Variants in GRIN2A observed in about 807,000 individuals in gnomAD.
GRIN2A encodes glutamate receptor ionotropic, NMDA 2A.
In GRIN2A, 22 loss-of-function variants were observed where a neutral mutation model predicts 113.4. That is an observed-to-expected ratio of 0.19 (90% confidence interval 0.14 to 0.28). The LOEUF (loss-of-function observed/expected upper bound fraction) is 0.28, where lower values mean the gene tolerates loss of function less well. Ranked by LOEUF, GRIN2A falls within the 10% of genes least tolerant of loss-of-function variation. GRIN2A has a pLI of 1.00. For synonymous variants in GRIN2A, 827 were observed against 738.4 expected (o/e 1.12, Z -1.94); for missense variants, 1,502 against 1,887.0 (o/e 0.80, Z 3.78).
chr16:9,842,159 A>G (rs2042691819), intron 5 of GRIN2A, among the ~76,000 whole-genome samples: 1 of 152,118 alleles, frequency 6.6e-6, no homozygotes, highest in Non-Finnish European at 1.5e-5. Context: ...GCTGAGGCAT[A>G]AGAATCACTT....
intron 2 of GRIN2A, among the ~76,000 whole-genome samples, chr16:9,998,966 A>G (rs1463065121): frequency 2.0e-5 from 3 of 152,136 alleles, no homozygotes; most frequent in Non-Finnish European, 4.4e-5. Context: ...ATATACAAAG[A>G]ATCCTTATTT....
At chr16:9,955,729 G>A (rs977654872) in intron 2 of GRIN2A, among the ~76,000 whole-genome samples, 1 of 152,124 alleles carries the variant, frequency 6.6e-6, no homozygotes. Context: ...TCCATTTTTG[G>A]TTTTGTTTTG....
chr16:9,831,847 A>T (rs1453614955), intron 8 of GRIN2A, among the ~76,000 whole-genome samples: 1 of 151,934 alleles, frequency 6.6e-6, no homozygotes, highest in African/African-American at 2.4e-5. Flanking sequence ...AAAGTCTGAC[A>T]TGCTTCCCAT....
intron 2 of GRIN2A, among the ~76,000 whole-genome samples, chr16:10,010,643 G>A (rs2046488287): frequency 1.3e-5 from 2 of 152,136 alleles, no homozygotes. Context: ...TTATTGCACT[G>A]TGAATACTAT....
At chr16:9,918,586 C>T (rs183882950) in intron 3 of GRIN2A, among the ~76,000 whole-genome samples, 50 of 152,166 alleles carry the variant, frequency 3.3e-4, no homozygotes, top group Admixed American at 2.1e-3. Flanking sequence ...CATTCAAAAG[C>T]GACTAACATA....
chr16:9,936,418 C>A (rs886942404), intron 3 of GRIN2A, among the ~76,000 whole-genome samples: 2 of 152,116 alleles, frequency 1.3e-5, no homozygotes, highest in African/African-American at 4.8e-5. Flanking sequence ...AGAAAGTGGA[C>A]GAGACAAGCT....
At chr16:10,098,619 AC>A (rs1400423951) in intron 2 of GRIN2A, among the ~76,000 whole-genome samples, 3 of 152,298 alleles carry the variant, frequency 2.0e-5, no homozygotes, top group Non-Finnish European at 4.4e-5. Context: ...ATGGAATAAA[AC>A]TCAGCCTTAA....
Position 9,924,134 on chromosome 16 carries a change from A to C in GRIN2A, c.1007+13825T>G, listed in dbSNP as rs1186909166. Among the ~76,000 whole-genome samples the C allele has an allele frequency of 2.3e-4, 34 of 147,948 alleles. 1 individual carries two copies. The highest frequency in any genetic ancestry group is 7.9e-4 in the African/African-American group (30 of 37,812). The stretch of plus-strand genomic sequence containing the variant: ...TCAAAAAAAAAAAAAAAAAAAAAAA[A>C]AAAAACAAAAACCTCATGCGTTTAA... On this transcript the variant is annotated intron_variant, in intron 3 of 12. Transcript: ENST00000330684.
chr16:10,109,492 G>A (rs899865185), intron 2 of GRIN2A, among the ~76,000 whole-genome samples: 2 of 151,926 alleles, frequency 1.3e-5, no homozygotes, highest in African/African-American at 4.8e-5. Flanking sequence ...AACCTTCCTC[G>A]CAAACATACA....
At chr16:10,052,454 C>A (rs896128414) in intron 2 of GRIN2A, among the ~76,000 whole-genome samples, 3 of 152,212 alleles carry the variant, frequency 2.0e-5, no homozygotes, top group Non-Finnish European at 4.4e-5. Context: ...GAACTTCCAA[C>A]AGGAACGGTC....
At chr16:9,809,832 C>T (rs540143137) in intron 10 of GRIN2A, among the ~76,000 whole-genome samples, 1 of 152,274 alleles carries the variant, frequency 6.6e-6, no homozygotes, top group Non-Finnish European at 1.5e-5. Flanking sequence ...CTTTGGGAGG[C>T]TGAGGAGGGT....
At chr16:9,966,462 A>G (rs2045558327) in intron 2 of GRIN2A, among the ~76,000 whole-genome samples, 1 of 152,110 alleles carries the variant, frequency 6.6e-6, no homozygotes, top group Admixed American at 6.5e-5. Flanking sequence ...TCCTTTTCTT[A>G]TGGCTGCATA....
chr16:10,005,945 C>A (rs2046397793), intron 2 of GRIN2A, among the ~76,000 whole-genome samples: 1 of 152,178 alleles, frequency 6.6e-6, no homozygotes, highest in Non-Finnish European at 1.5e-5. Flanking sequence ...ACCTTTGAAA[C>A]CATAAGTTCT....
At chr16:10,166,160 G>C (rs1447940026) in intron 2 of GRIN2A, among the ~76,000 whole-genome samples, 1 of 152,186 alleles carries the variant, frequency 6.6e-6, no homozygotes, top group Non-Finnish European at 1.5e-5. Context: ...AGACTAGCAA[G>C]ACGATATGGA....
At chr16:9,830,724 G>A (rs2042477060) in intron 8 of GRIN2A, among the ~76,000 whole-genome samples, 1 of 152,200 alleles carries the variant, frequency 6.6e-6, no homozygotes, top group East Asian at 1.9e-4. Context: ...CTGCACATTG[G>A]AGGCCAAACC....
chr16:9,878,065 G>T (rs2043407006), intron 4 of GRIN2A, among the ~76,000 whole-genome samples: 1 of 151,888 alleles, frequency 6.6e-6, no homozygotes, highest in Non-Finnish European at 1.5e-5. Flanking sequence ...TAATCTATTT[G>T]CTCATTTTCA....
At chr16:9,929,779 A>T (rs2044546677) in intron 3 of GRIN2A, among the ~76,000 whole-genome samples, 1 of 152,208 alleles carries the variant, frequency 6.6e-6, no homozygotes, top group African/African-American at 2.4e-5. Context: ...GAGGAAATAG[A>T]TCAATGTGCC....
chr16:9,814,733 T>G (rs2042153355), intron 10 of GRIN2A, among the ~76,000 whole-genome samples: 1 of 152,144 alleles, frequency 6.6e-6, no homozygotes, highest in African/African-American at 2.4e-5. Context: ...AAAATGTACC[T>G]TCTTGGCCGG....
At position 10,032,786 on chromosome 16, in the gene GRIN2A, G is replaced by C. The variant is rs181401836; in HGVS notation, c.415-94235C>G. ...ACAAATGGGGAAACTGAGGCCCAGA[G>C]AGCTTTCATCATAGCTTCTGCCTGA... On this transcript the variant is annotated intron_variant, in intron 2 of 12. Coordinates refer to ENST00000330684, the MANE Select transcript of GRIN2A (RefSeq NM_001134407.3). Among the ~76,000 whole-genome samples the C allele has an allele frequency of 3.3e-4, 51 of 152,306 alleles. No homozygotes were observed. In the East Asian group the frequency reaches 9.7e-3, roughly 29 times the overall value.
Sources: gnomAD v4.1 joint callset for allele counts (sites outside exome capture counted in the v4.1 genomes callset) on GRCh38, gnomAD v4.1.1 for gene constraint, MANE v1.5 for transcripts, NCBI Gene and HGNC (gene_info 2026-07-23, HGNC 2026-07-21) for gene names.